KATNBL1: variants seen among roughly 807,000 people sequenced by gnomAD.
KATNBL1 encodes the protein KATNB1-like protein 1.
KATNBL1 carries 28 observed loss-of-function variants against 44.7 expected under a neutral mutation model. The observed-to-expected ratio is 0.63, with a 90% CI of 0.46 to 0.86. The LOEUF (loss-of-function observed/expected upper bound fraction) is 0.86, where lower values mean the gene tolerates loss of function less well. KATNBL1 is among the 40% of genes least tolerant of loss of function. The pLI, the probability that KATNBL1 is intolerant of heterozygous loss-of-function variation, is 0.00. For missense variants in KATNBL1, 272 were observed against 350.7 expected, an observed-to-expected ratio of 0.78 and a Z score of 1.79; for synonymous variants, 78 against 114.9, an observed-to-expected ratio of 0.68 and a Z score of 2.06.
At chr15:34,195,982 C>A (rs1013849812) in intron 1 of KATNBL1, among the ~76,000 whole-genome samples, 1 of 151,932 alleles carries the variant, frequency 6.6e-6, no homozygotes, top group South Asian at 2.1e-4. Context: ...TTTTAAACTA[C>A]GTGTGCATGC....
At chr15:34,191,338 T>C (rs921926321) in intron 1 of KATNBL1, among the ~76,000 whole-genome samples, 1 of 151,980 alleles carries the variant, frequency 6.6e-6, no homozygotes, top group Non-Finnish European at 1.5e-5. Flanking sequence ...TTTATTCACC[T>C]ACTGATGGAC....
At chr15:34,197,421 C>A (rs1890055664) in intron 1 of KATNBL1, among the ~76,000 whole-genome samples, 1 of 152,210 alleles carries the variant, frequency 6.6e-6, no homozygotes, top group South Asian at 2.1e-4. Context: ...CCACTTACCA[C>A]AATGTCTGTA....
chr15:34,145,138 G>A lies in KATNBL1; in HGVS notation c.882+260C>T, dbSNP rs950351218. 7.6e-6 allele frequency: 9 copies of A among 1,182,014 alleles called. No individual in the cohort carries two copies. The Admixed American group carries it at 2.4e-4, about 32-fold the overall frequency. 73.2% of individuals were successfully genotyped at this position (1,182,014 alleles called of 1,614,324 possible). On this transcript the variant is annotated intron_variant, in intron 9 of 9. Transcript: ENST00000256544. ...AAAATTTTTTCAAATACTTTTCTCT[G>A]ATTAAAACCCTCTGTAAATATCCTC... is the stretch of plus-strand genomic sequence containing the variant.
At chr15:34,148,471 T>C in intron 5 of KATNBL1, 161 bp downstream of exon 5, 1 of 521,728 alleles carries the variant, frequency 1.9e-6, no homozygotes, top group Non-Finnish European at 3.5e-6. Context: ...ACCTGTACTC[T>C]CAGCTACTCA....
At chr15:34,192,054 T>C (rs962323287) in intron 1 of KATNBL1, among the ~76,000 whole-genome samples, 3 of 152,080 alleles carry the variant, frequency 2.0e-5, no homozygotes, top group East Asian at 1.9e-4. Flanking sequence ...ATGTTGATAA[T>C]TGCTGAAGCT....
Position 34,188,137 on chromosome 15 carries a change from T to TAAAAAAA in KATNBL1, c.-15+21807_-15+21813dup, listed in dbSNP as rs1201268078. Among the ~76,000 whole-genome samples the TAAAAAAA allele has an allele frequency of 1.9e-3, 43 of 22,100 alleles. 4 individuals are homozygous for TAAAAAAA. Among genetic ancestry groups the TAAAAAAA allele is most frequent in the South Asian group, 3.4e-3 (1 of 290 alleles). 14.5% of individuals were successfully genotyped at this position (22,100 alleles called of 152,430 possible). Reference sequence around the variant, plus strand: ...CTGGGTGACAGAGGAAGACGCCATGTAAAAAAAAAAAAAAAAAAAAAAAAA... The same window carrying TAAAAAAA: ...CTGGGTGACAGAGGAAGACGCCATGTAAAAAAAAAAAAAAAAAAAAAAAAAAAAAAAA... On this transcript the variant is annotated intron_variant, in intron 1 of 9. Coordinates refer to ENST00000256544, the MANE Select transcript of KATNBL1 (RefSeq NM_024713.3).
Position 34,152,839 on chromosome 15 carries a change from G to A in KATNBL1, c.389C>T (p.Ser130Phe). The change falls in exon 4 of 10, where the codon TCT becomes TTT. Residue 130 changes from serine (S) to phenylalanine (F), a missense_variant. Coordinates refer to ENST00000256544, the MANE Select transcript of KATNBL1 (RefSeq NM_024713.3). Reference sequence around the variant, plus strand: ...TGATGATGGGCTTTCTGTCTGTGAAGAACCAGAATCACTGGAGTTAACCAA... The same window carrying A: ...TGATGATGGGCTTTCTGTCTGTGAAAAACCAGAATCACTGGAGTTAACCAA... ...TYLVNSSDSG[S>F]SQTESPSSKY... 1 of 1,613,674 alleles carries A rather than the reference G, an allele frequency of 6.2e-7. No homozygotes were observed. Among genetic ancestry groups the A allele is most frequent in the East Asian group, 2.2e-5 (1 of 44,854 alleles).
chr15:34,192,170 C>T lies in KATNBL1; in HGVS notation c.-15+17781G>A, dbSNP rs935624286. Among the ~76,000 whole-genome samples, 7 of 145,338 alleles carry T rather than the reference C, an allele frequency of 4.8e-5. No individual in the cohort carries two copies. The East Asian group carries it at 6.1e-4, about 13-fold the overall frequency. On this transcript the variant is annotated intron_variant, in intron 1 of 9. Transcript: ENST00000256544. ...CTGTAATCCCAGCACTTTTGGAGGC[C>T]GAGGCAGGTGGATCACCAGGTCAGG...
intron 1 of KATNBL1, among the ~76,000 whole-genome samples, chr15:34,191,101 G>GT (rs899071219): frequency 6.1e-4 from 91 of 149,818 alleles, no homozygotes; most frequent in Non-Finnish European, 1.1e-3. Context: ...CCACTTGAAT[G>GT]TATTTCTGTC....
intron 1 of KATNBL1, among the ~76,000 whole-genome samples, chr15:34,192,095 C>T (rs563713469): frequency 1.3e-5 from 2 of 151,948 alleles, no homozygotes; most frequent in East Asian, 3.9e-4. Context: ...ATACTATCCT[C>T]TCTGCTTTTT....
chr15:34,178,733 G>A (rs1889417548), intron 1 of KATNBL1, among the ~76,000 whole-genome samples: 2 of 141,058 alleles, frequency 1.4e-5, no homozygotes, highest in African/African-American at 2.7e-5. Context: ...TCCAGCCTGG[G>A]CGACAGAGCA....
In KATNBL1 at chr15:34,147,443, A is replaced by G. The variant is rs935801562; in HGVS notation, c.558-13T>C. On this transcript the variant is annotated splice_polypyrimidine_tract_variant and intron_variant, in intron 5 of 9. Coordinates refer to ENST00000256544, the MANE Select transcript of KATNBL1 (RefSeq NM_024713.3). ...AAGATCTTCTATCCTGAGAGTATAA[A>G]AAGAATAGCATTGCCTTAGAGAGCT... The G allele has an allele frequency of 6.2e-7, 1 of 1,606,964 alleles. No individual in the cohort carries two copies.
rs1236477952 is a variant in KATNBL1, at chr15:34,181,696, A to G, written c.-14-18006T>C. Reference sequence around the variant, plus strand: ...TATATACACATATATATGTCCATATATATATCCATATATATGGACATATAT... The same window carrying G: ...TATATACACATATATATGTCCATATGTATATCCATATATATGGACATATAT... On this transcript the variant is annotated intron_variant, in intron 1 of 9. Transcript: ENST00000256544. 2.6e-4 allele frequency among the ~76,000 whole-genome samples: 8 copies of G among 31,080 alleles called. 2 individuals carry two copies. Among genetic ancestry groups the G allele is most frequent in the African/African-American group, 7.8e-4 (8 of 10,246 alleles). 20.4% of individuals were successfully genotyped at this position (31,080 alleles called of 152,430 possible).
chr15:34,172,770 C>G (rs867263818), intron 1 of KATNBL1, among the ~76,000 whole-genome samples: 5 of 145,176 alleles, frequency 3.4e-5, no homozygotes, highest in African/African-American at 1.4e-4. Context: ...GACACACACA[C>G]ACACACACAC....
At chr15:34,175,908 C>A (rs1313834135) in intron 1 of KATNBL1, among the ~76,000 whole-genome samples, 1 of 151,972 alleles carries the variant, frequency 6.6e-6, no homozygotes, top group South Asian at 2.1e-4. Context: ...AACTCTACTC[C>A]TACATAAAAA....
intron 9 of KATNBL1, chr15:34,144,934 C>A (rs554499056): frequency 2.8e-6 from 1 of 359,050 alleles, no homozygotes. Flanking sequence ...TTTTCCTTTA[C>A]GAGACAAATC....
intron 2 of KATNBL1, among the ~76,000 whole-genome samples, chr15:34,156,669 A>C (rs1328756470): frequency 1.3e-5 from 2 of 152,048 alleles, no homozygotes; most frequent in Non-Finnish European, 2.9e-5. Context: ...TGGGGGAGCA[A>C]TGAAGAATAT....
At chr15:34,170,553 C>T (rs1889127463) in intron 1 of KATNBL1, among the ~76,000 whole-genome samples, 1 of 152,160 alleles carries the variant, frequency 6.6e-6, no homozygotes, top group African/African-American at 2.4e-5. Flanking sequence ...CATCAAGCTA[C>T]CAATGACTTT....
intron 1 of KATNBL1, among the ~76,000 whole-genome samples, chr15:34,182,047 G>A (rs1451508030): frequency 6.6e-6 from 1 of 151,462 alleles, no homozygotes; most frequent in Non-Finnish European, 1.5e-5. Flanking sequence ...AGAAAATAAA[G>A]GCATAAAAAG....
Sources: gnomAD v4.1 joint callset for allele counts (sites outside exome capture counted in the v4.1 genomes callset) on GRCh38, gnomAD v4.1.1 for gene constraint, MANE v1.5 for transcripts, NCBI Gene and HGNC (gene_info 2026-07-23, HGNC 2026-07-21) for gene names.